Variants in STEAP1B observed in about 807,000 individuals in gnomAD.
STEAP1B encodes STEAP family protein MGC87042.
In STEAP1B, 13 loss-of-function variants were observed where a neutral mutation model predicts 27.9. That is an observed-to-expected ratio of 0.47 (90% CI 0.30 to 0.74). The LOEUF (loss-of-function observed/expected upper bound fraction) is 0.74, where lower values mean the gene tolerates loss of function less well. STEAP1B is among the 30% of genes least tolerant of loss of function. STEAP1B has a pLI of 0.06. For synonymous variants in STEAP1B, 86 were observed against 107.1 expected (o/e 0.80, Z 1.22); for missense variants, 250 against 298.7 (o/e 0.84, Z 1.20).
intron 3 of STEAP1B, among the ~76,000 whole-genome samples, 181 bp from the exon 4 acceptor site, chr7:22,492,910 T>C (rs1322416174): frequency 6.6e-6 from 1 of 152,192 alleles, no homozygotes; most frequent in Non-Finnish European, 1.5e-5. Context: ...AGCTATCACT[T>C]TTTTTCTTGA....
intron 4 of STEAP1B, among the ~76,000 whole-genome samples, chr7:22,475,072 G>C (rs952642191): frequency 1.3e-5 from 2 of 152,182 alleles, no homozygotes; most frequent in Non-Finnish European, 2.9e-5. Context: ...ATCTCCCAGA[G>C]AGAAAAGTAA....
chr7:22,422,965 G>T (rs1785062426), intron 4 of STEAP1B, among the ~76,000 whole-genome samples: 1 of 152,138 alleles, frequency 6.6e-6, no homozygotes, highest in Non-Finnish European at 1.5e-5. Context: ...GGAGAAAAGA[G>T]ATCATAAAAA....
intron 4 of STEAP1B, chr7:22,438,443 T>C (rs769190307): frequency 3.9e-6 from 6 of 1,521,874 alleles, no homozygotes; most frequent in African/African-American, 2.8e-5. Flanking sequence ...TCTGCAAGTA[T>C]GTAAGATGTA....
At chr7:22,463,361 A>C (rs899733267) in intron 4 of STEAP1B, among the ~76,000 whole-genome samples, 1 of 152,110 alleles carries the variant, frequency 6.6e-6, no homozygotes, top group Admixed American at 6.6e-5. Context: ...AATCAATATC[A>C]TGAAAATGGC....
intron 4 of STEAP1B, among the ~76,000 whole-genome samples, chr7:22,432,159 G>C (rs945816422): frequency 3.3e-5 from 5 of 152,060 alleles, no homozygotes; most frequent in Non-Finnish European, 7.4e-5. Context: ...GTGAGAAGAT[G>C]GCTGTCTATG....
chr7:22,459,020 T>C (rs1328364261), intron 4 of STEAP1B, among the ~76,000 whole-genome samples: 1 of 151,864 alleles, frequency 6.6e-6, no homozygotes, highest in Admixed American at 6.6e-5. Context: ...AGAACAAAAA[T>C]AATAAAGAAG....
At chr7:22,492,349 G>GAAAAAAAAA (rs1371957621) in intron 4 of STEAP1B, 2 of 185,140 alleles carry the variant, frequency 1.1e-5, no homozygotes, top group Non-Finnish European at 1.8e-5. Flanking sequence ...AAAAAAAAAG[G>GAAAAAAAAA]ATATTTTAAT....
chr7:22,433,704 G>A (rs1307789287), intron 4 of STEAP1B, among the ~76,000 whole-genome samples: 1 of 152,160 alleles, frequency 6.6e-6, no homozygotes, highest in Non-Finnish European at 1.5e-5. Flanking sequence ...TGAAAGGATA[G>A]ACAGATTTAG....
At chr7:22,447,919 T>C (rs554370839) in intron 4 of STEAP1B, among the ~76,000 whole-genome samples, 2 of 152,326 alleles carry the variant, frequency 1.3e-5, no homozygotes, top group South Asian at 2.1e-4. Flanking sequence ...AGATGAGCAA[T>C]TGAGATGCAA....
At chr7:22,489,308 C>T (rs112527053) in intron 4 of STEAP1B, among the ~76,000 whole-genome samples, 1,788 of 152,248 alleles carry the variant, frequency 0.012, 15 homozygotes, top group Middle Eastern at 0.034. Flanking sequence ...GGTCAAAGCA[C>T]CATACTTAAA....
At chr7:22,473,615 TC>T (rs1444773118) in intron 4 of STEAP1B, among the ~76,000 whole-genome samples, 3 of 152,216 alleles carry the variant, frequency 2.0e-5, no homozygotes, top group African/African-American at 7.2e-5. Context: ...CTGGAGTTCT[TC>T]AAAAATTCTA....
chr7:22,443,014 G>C (rs1394707624), intron 4 of STEAP1B, among the ~76,000 whole-genome samples: 1 of 152,204 alleles, frequency 6.6e-6, no homozygotes, highest in African/African-American at 2.4e-5. Context: ...GGGACAGCCA[G>C]TGTGCTTCAG....
intron 4 of STEAP1B, among the ~76,000 whole-genome samples, chr7:22,426,912 G>A (rs990808744): frequency 2.6e-5 from 4 of 152,170 alleles, no homozygotes; most frequent in East Asian, 3.8e-4. Flanking sequence ...AATTTTACAC[G>A]GTTTGGTGAA....
chr7:22,443,598 A>G (rs1202740955), intron 4 of STEAP1B, among the ~76,000 whole-genome samples: 1 of 152,194 alleles, frequency 6.6e-6, no homozygotes, highest in Non-Finnish European at 1.5e-5. Context: ...AAGATCTCCA[A>G]TTACAAGAAA....
chr7:22,421,072 T>C (rs1054599614), intron 4 of STEAP1B, among the ~76,000 whole-genome samples: 1 of 152,262 alleles, frequency 6.6e-6, no homozygotes, highest in Admixed American at 6.5e-5. Context: ...CTTTTCTGAA[T>C]ATCCAACATC....
intron 4 of STEAP1B, among the ~76,000 whole-genome samples, chr7:22,472,067 A>G (rs776897054): frequency 2.0e-5 from 3 of 152,230 alleles, no homozygotes; most frequent in Admixed American, 6.5e-5. Flanking sequence ...ACCTAGGTAG[A>G]AACACCTTTA....
intron 4 of STEAP1B, among the ~76,000 whole-genome samples, chr7:22,450,761 TG>T (rs938587478): frequency 1.3e-4 from 20 of 152,232 alleles, no homozygotes; most frequent in African/African-American, 3.9e-4. Flanking sequence ...TTAACAATAT[TG>T]ATTATTCCTA....
chr7:22,460,159 T>A (rs139015722), intron 4 of STEAP1B, among the ~76,000 whole-genome samples: 3 of 151,734 alleles, frequency 2.0e-5, no homozygotes, highest in African/African-American at 7.2e-5. Context: ...AAAAACGTTT[T>A]AAAAAGATTA....
At chr7:22,432,112 G>A (rs1785194798) in intron 4 of STEAP1B, among the ~76,000 whole-genome samples, 1 of 152,112 alleles carries the variant, frequency 6.6e-6, no homozygotes, top group Non-Finnish European at 1.5e-5. Flanking sequence ...AGAGACTCTA[G>A]AGAGACCCCT....
Sources: gnomAD v4.1 joint callset for allele counts (sites outside exome capture counted in the v4.1 genomes callset) on GRCh38, gnomAD v4.1.1 for gene constraint, MANE v1.5 for transcripts, NCBI Gene and HGNC (gene_info 2026-07-23, HGNC 2026-07-21) for gene names.